CPED1: variants seen among roughly 807,000 people sequenced by gnomAD.
CPED1 encodes the protein cadherin like and PC-esterase domain containing 1, also known as cadherin-like and PC-esterase domain-containing protein 1.
In CPED1, 114 loss-of-function variants were observed where a neutral mutation model predicts 128.2. The ratio of observed to expected loss-of-function variants is 0.89; its 90% confidence interval spans 0.76 to 1.04. The LOEUF (loss-of-function observed/expected upper bound fraction) is 1.04. CPED1 is among the 50% of genes least tolerant of loss of function. The pLI, the probability that CPED1 is intolerant of heterozygous loss-of-function variation, is 0.00. For missense variants in CPED1, 1,211 were observed against 1,207.1 expected (o/e 1.00, Z -0.05); for synonymous variants, 462 against 426.7 (o/e 1.08, Z -1.02).
At chr7:121,210,966 A>C (rs1797627672) in intron 16 of CPED1, among the ~76,000 whole-genome samples, 1 of 152,034 alleles carries the variant, frequency 6.6e-6, no homozygotes, top group South Asian at 2.1e-4. Flanking sequence ...ATAAAAATAA[A>C]AAAAATTAAA....
chr7:121,147,271 TTATTC>T (rs1796044915), intron 16 of CPED1, among the ~76,000 whole-genome samples: 1 of 152,178 alleles, frequency 6.6e-6, no homozygotes, highest in African/African-American at 2.4e-5. Context: ...TGACAGCTCT[TTATTC>T]TATTCATTAA....
intron 16 of CPED1, among the ~76,000 whole-genome samples, chr7:121,195,947 C>G (rs1797261249): frequency 6.6e-6 from 1 of 151,894 alleles, no homozygotes; most frequent in Non-Finnish European, 1.5e-5. Context: ...TAGTTGGTGC[C>G]TTGACTATAA....
At position 121,015,816 on chromosome 7, in the gene CPED1, A is replaced by G. The variant is rs1585019240; in HGVS notation, c.401A>G (p.Asn134Ser). ...GTTGTCATCGCTGAAGAAAGGCTCA[A>G]TGCTGGCCTAGGGCCGGGGCTACTA... ...YTVVIAEERL[N>S]AGLGPGLLEQ... The change falls in exon 3 of 23, where the codon AAT (asparagine) becomes AGT (serine). Residue 134 changes from asparagine to serine, a missense_variant. By Grantham distance (46) the Asn-to-Ser change is conservative. Coordinates refer to ENST00000310396, the MANE Select transcript of CPED1 (RefSeq NM_024913.5). 1.3e-6 allele frequency: 2 copies of G among 1,586,634 alleles called. No homozygotes were observed. Among genetic ancestry groups the G allele is most frequent in the Non-Finnish European group, 1.7e-6 (2 of 1,170,886 alleles).
At chr7:121,143,790 T>C (rs1456262461) in intron 16 of CPED1, among the ~76,000 whole-genome samples, 1 of 151,978 alleles carries the variant, frequency 6.6e-6, no homozygotes, top group Admixed American at 6.6e-5. Flanking sequence ...GTATAAATGA[T>C]TCAGCAGTCC....
chr7:121,066,526 A>C (rs1483699244), intron 5 of CPED1, among the ~76,000 whole-genome samples: 3 of 152,148 alleles, frequency 2.0e-5, no homozygotes, highest in African/African-American at 7.2e-5. Context: ...CAGAGGCAAA[A>C]GGCCTCAGAA....
chr7:121,171,882 T>C (rs1017173516), intron 16 of CPED1, among the ~76,000 whole-genome samples: 7 of 152,236 alleles, frequency 4.6e-5, no homozygotes, highest in African/African-American at 1.7e-4. Flanking sequence ...ATTAAATTGA[T>C]TTCAAATGGG....
At chr7:121,249,012 A>G (rs1424738191) in intron 18 of CPED1, among the ~76,000 whole-genome samples, 1 of 152,202 alleles carries the variant, frequency 6.6e-6, no homozygotes. Context: ...GAAAAAATTC[A>G]CTGTAAGAAT....
intron 4 of CPED1, among the ~76,000 whole-genome samples, chr7:121,059,942 TCTC>T (rs1284598564): frequency 6.6e-6 from 1 of 152,048 alleles, no homozygotes; most frequent in Admixed American, 6.6e-5. Context: ...ACCGGAGCCG[TCTC>T]CCTCAGCTTG....
chr7:121,167,927 G>T (rs189229363), intron 16 of CPED1, among the ~76,000 whole-genome samples: 3 of 151,980 alleles, frequency 2.0e-5, no homozygotes, highest in African/African-American at 4.8e-5. Context: ...TAGAGATGGG[G>T]TTTCACCGTG....
chr7:121,037,652 A>AT (rs1293920013), intron 3 of CPED1, among the ~76,000 whole-genome samples: 2 of 151,676 alleles, frequency 1.3e-5, no homozygotes, highest in Non-Finnish European at 2.9e-5. Context: ...CGTTAGGATT[A>AT]TTTTTTCTAG....
intron 6 of CPED1, among the ~76,000 whole-genome samples, chr7:121,098,132 T>C (rs1794745426): frequency 6.6e-6 from 1 of 152,190 alleles, no homozygotes; most frequent in Admixed American, 6.5e-5. Flanking sequence ...TTAACTTCCA[T>C]TTTATACTCA....
chr7:121,032,219 A>C (rs528093020), intron 3 of CPED1, among the ~76,000 whole-genome samples: 197 of 152,208 alleles, frequency 1.3e-3, no homozygotes, highest in Non-Finnish European at 2.7e-3. Flanking sequence ...ATGAAGTAGG[A>C]AAAATGATTT....
intron 16 of CPED1, among the ~76,000 whole-genome samples, chr7:121,211,255 G>A (rs953017107): frequency 2.6e-5 from 4 of 152,012 alleles, no homozygotes; most frequent in Non-Finnish European, 4.4e-5. Flanking sequence ...AGTAGCCTCA[G>A]CTGTTAAACT....
At position 121,140,818 on chromosome 7, in the gene CPED1, T is replaced by C; in HGVS notation, c.1700-9T>C. 6.3e-7 allele frequency: 1 copy of C among 1,599,410 alleles called. No homozygotes were observed. Among genetic ancestry groups the C allele is most frequent in the Non-Finnish European group, 8.5e-7 (1 of 1,174,068 alleles). ...GTTGTCTTTGTCATTGTTTTTGTTT[T>C]TTTAACAGATGAAAACACACCATGT... On this transcript the variant is annotated splice_polypyrimidine_tract_variant and intron_variant, in intron 14 of 22. Transcript: ENST00000310396.
At position 121,216,954 on chromosome 7, in the gene CPED1, G is replaced by A. The variant is rs184157238; in HGVS notation, c.2056-19760G>A. ...GCTTTTTGGTTTGCTTAGCTGTTAC[G>A]CTTTTGAATATTGCATTTTTTTGGA... On this transcript the variant is annotated intron_variant, in intron 16 of 22. Coordinates refer to ENST00000310396, the MANE Select transcript of CPED1 (RefSeq NM_024913.5). Among the ~76,000 whole-genome samples the A allele has an allele frequency of 1.7e-3, 251 of 151,972 alleles. 1 individual carries two copies. The highest frequency in any genetic ancestry group is 5.4e-3 in the African/African-American group (225 of 41,494).
intron 5 of CPED1, among the ~76,000 whole-genome samples, chr7:121,092,134 T>C (rs1452376591): frequency 1.3e-5 from 2 of 152,170 alleles, no homozygotes; most frequent in Non-Finnish European, 2.9e-5. Flanking sequence ...TCTTAGATAG[T>C]TAATCTATGA....
At position 121,295,594 on chromosome 7, in the gene CPED1, A is replaced by G; in HGVS notation, c.3023A>G (p.Asn1008Ser). 5.0e-6 allele frequency: 8 copies of G among 1,614,084 alleles called. No homozygotes were observed. The highest frequency in any genetic ancestry group is 6.8e-6 in the Non-Finnish European group (8 of 1,179,946). Residue 1008 changes from asparagine to serine, a missense_variant, in exon 23 of 23, where the codon AAT (asparagine) becomes AGT (serine). By Grantham distance (46) the Asn-to-Ser change is conservative. Transcript: ENST00000310396. ...CCATATCATGTCAGAGGTCCAATAA[A>G]TCAGGTTTGTTCTGAAATCCTTCTC... ...RSPYHVRGPINQVCSEILLSR... is the reference protein window; with the variant it reads ...RSPYHVRGPISQVCSEILLSR...
chr7:121,082,133 A>C (rs528661052), intron 5 of CPED1, among the ~76,000 whole-genome samples: 3 of 152,210 alleles, frequency 2.0e-5, no homozygotes, highest in Non-Finnish European at 4.4e-5. Flanking sequence ...TAGTCATGCA[A>C]CTTTGGGAAA....
intron 5 of CPED1, among the ~76,000 whole-genome samples, chr7:121,084,416 T>G (rs575822951): frequency 6.6e-6 from 1 of 152,174 alleles, no homozygotes; most frequent in Non-Finnish European, 1.5e-5. Context: ...CACCATAGGG[T>G]GTAATGAAAT....
Sources: allele counts gnomAD v4.1 joint callset (sites outside exome capture counted in the v4.1 genomes callset), GRCh38; gene constraint gnomAD v4.1.1; transcripts MANE v1.5; gene names NCBI Gene and HGNC (gene_info 2026-07-23, HGNC 2026-07-21).